PLGRKT: variants seen among roughly 807,000 people sequenced by gnomAD.
The protein encoded by PLGRKT is plasminogen receptor (KT).
PLGRKT carries 22 observed loss-of-function variants against 18.5 expected under a neutral mutation model. The observed-to-expected ratio is 1.19, with a 90% confidence interval of 0.85 to 1.70. The LOEUF is 1.70. Ranked by LOEUF, PLGRKT falls within the 40% of genes most tolerant of loss-of-function variation. PLGRKT has a pLI of 0.00. For synonymous variants in PLGRKT, 72 were observed against 52.8 expected, an observed-to-expected ratio of 1.36 and a Z score of -1.58; for missense variants, 235 against 174.4, an observed-to-expected ratio of 1.35 and a Z score of -1.96.
At chr9:5,415,879 T>A (rs1818449358) in intron 3 of PLGRKT, among the ~76,000 whole-genome samples, 2 of 151,262 alleles carry the variant, frequency 1.3e-5, no homozygotes, top group Admixed American at 1.3e-4. Flanking sequence ...AGACATCAAT[T>A]AAATGTGATG....
At chr9:5,395,970 T>C (rs1818038790) in intron 3 of PLGRKT, among the ~76,000 whole-genome samples, 1 of 148,722 alleles carries the variant, frequency 6.7e-6, no homozygotes, top group South Asian at 2.2e-4. Flanking sequence ...CTTGGTTCAC[T>C]GCAACCTCCA....
At chr9:5,417,021 C>T (rs751707928) in intron 3 of PLGRKT, among the ~76,000 whole-genome samples, 35 of 152,290 alleles carry the variant, frequency 2.3e-4, no homozygotes, top group African/African-American at 6.3e-4. Flanking sequence ...GCTCTTTAAA[C>T]GTTAAATAAT....
intron 3 of PLGRKT, among the ~76,000 whole-genome samples, chr9:5,411,166 C>G (rs1818355719): frequency 6.6e-6 from 1 of 151,936 alleles, no homozygotes; most frequent in Non-Finnish European, 1.5e-5. Context: ...GGTGGACCAC[C>G]TGAGGTCGGG....
intron 3 of PLGRKT, among the ~76,000 whole-genome samples, chr9:5,371,196 G>A (rs1467075541): frequency 6.6e-6 from 1 of 152,148 alleles, no homozygotes; most frequent in Non-Finnish European, 1.5e-5. Flanking sequence ...GTATTAAGAG[G>A]TAGATTCCAA....
At position 5,418,449 on chromosome 9, in the gene PLGRKT, G is replaced by C; in HGVS notation, c.81+13448C>G. 1 of 1,005,132 alleles carries C rather than the reference G, an allele frequency of 9.9e-7. No homozygotes were observed. Among genetic ancestry groups the C allele is most frequent in the South Asian group, 1.3e-5 (1 of 79,160 alleles). The allele number at this position is 1,005,132 out of a possible 1,614,324, so 62.3% of individuals were successfully genotyped here. A position where few individuals can be genotyped will look rare whatever the true frequency, so the allele number is the denominator to read the frequency against. The stretch of plus-strand genomic sequence containing the variant: ...CGATGCTGAGGAGGAAGACCAAGAC[G>C]CAAGCCACCAAGATGACAGTGCACA... On this transcript the variant is annotated intron_variant, in intron 3 of 5. Coordinates refer to ENST00000223864, the MANE Select transcript of PLGRKT (RefSeq NM_018465.4). This position sits in a 1 kb window ranked among gnomAD's most constrained non-coding sequence, Gnocchi z 4.2.
intron 3 of PLGRKT, among the ~76,000 whole-genome samples, chr9:5,373,229 C>A (rs1355647295): frequency 6.6e-6 from 1 of 152,176 alleles, no homozygotes; most frequent in Non-Finnish European, 1.5e-5. Flanking sequence ...TTCTCACCAG[C>A]ATTTTATGCC....
intron 2 of PLGRKT, among the ~76,000 whole-genome samples, chr9:5,432,307 G>C (rs961451258): frequency 6.6e-6 from 1 of 151,956 alleles, no homozygotes; most frequent in Admixed American, 6.6e-5. Context: ...AATTCTTGAA[G>C]AAAAAAACAA....
chr9:5,362,601 T>TGATG (rs1817292067), intron 3 of PLGRKT, among the ~76,000 whole-genome samples: 1 of 152,184 alleles, frequency 6.6e-6, no homozygotes, highest in Non-Finnish European at 1.5e-5. Context: ...GCATTGTTGT[T>TGATG]GATGTTTTAA....
chr9:5,424,644 TTATA>T (rs1818652800), intron 3 of PLGRKT, among the ~76,000 whole-genome samples: 1 of 71,066 alleles, frequency 1.4e-5, no homozygotes, highest in Non-Finnish European at 2.9e-5. Flanking sequence ...TATATTTACA[TTATA>T]TATAATATAA....
intron 3 of PLGRKT, among the ~76,000 whole-genome samples, chr9:5,393,608 T>C (rs1289914097): frequency 6.6e-6 from 1 of 151,894 alleles, no homozygotes; most frequent in Non-Finnish European, 1.5e-5. Flanking sequence ...TCTTATTTTT[T>C]TTCTTAACCA....
chr9:5,363,949 C>T (rs1817325168), intron 3 of PLGRKT, among the ~76,000 whole-genome samples: 1 of 152,196 alleles, frequency 6.6e-6, no homozygotes, highest in Non-Finnish European at 1.5e-5. Context: ...GTGTGAAATT[C>T]ATCCTTGCCA....
rs1330901863 is a variant in PLGRKT at position 5,418,284 on chromosome 9, C to T, written c.81+13613G>A. 7 of 492,418 alleles carry T rather than the reference C, an allele frequency of 1.4e-5. No homozygotes were observed. The highest frequency in any genetic ancestry group is 2.0e-5 in the African/African-American group (1 of 50,804). The allele number at this position is 492,418 out of a possible 1,614,324, so 30.5% of individuals were successfully genotyped here. On this transcript the variant is annotated intron_variant, in intron 3 of 5. Coordinates refer to ENST00000223864, the MANE Select transcript of PLGRKT (RefSeq NM_018465.4). This position sits in a 1 kb window ranked among gnomAD's most constrained non-coding sequence, Gnocchi z 4.2. The stretch of plus-strand genomic sequence containing the variant: ...CTCAGCACCAAATGGTCAGTGTCGC[C>T]CCCTCATCTTCTCACTGGGATCTCA...
At chr9:5,368,711 T>C (rs1817450336) in intron 3 of PLGRKT, among the ~76,000 whole-genome samples, 1 of 152,046 alleles carries the variant, frequency 6.6e-6, no homozygotes, top group African/African-American at 2.4e-5. Context: ...ACCCCCTGAA[T>C]CTAAAACAAA....
At position 5,414,258 on chromosome 9, in the gene PLGRKT, C is replaced by A. The variant is rs187246491; in HGVS notation, c.81+17639G>T. Among the ~76,000 whole-genome samples, 13 of 152,284 alleles carry A rather than the reference C, an allele frequency of 8.5e-5. No homozygotes were observed. The East Asian group carries it at 2.5e-3, about 29-fold the overall frequency. ...CTCGCCTCACTGCAACTTCCGCTTC[C>A]CAGATCCAAGCGATTCTGCTGCCTC... On this transcript the variant is annotated intron_variant, in intron 3 of 5. Coordinates refer to ENST00000223864, the MANE Select transcript of PLGRKT (RefSeq NM_018465.4).
intron 5 of PLGRKT, among the ~76,000 whole-genome samples, chr9:5,359,273 G>T (rs1262383853): frequency 1.3e-5 from 2 of 151,926 alleles, no homozygotes; most frequent in African/African-American, 2.4e-5. Context: ...GGACAGGCTG[G>T]TCTCAAACTC....
rs192887399 is a variant in PLGRKT at position 5,417,324 on chromosome 9, C to T, written c.81+14573G>A. Among the ~76,000 whole-genome samples, 3 of 152,174 alleles carry T rather than the reference C, an allele frequency of 2.0e-5. No homozygotes were observed. In the East Asian group the frequency reaches 5.8e-4, roughly 29 times the overall value. On this transcript the variant is annotated intron_variant, in intron 3 of 5. Transcript: ENST00000223864. ...CCTCATACCAAGACAGCTGGATATC[C>T]ACACGCAAAAGAGTAAAGTTGGACC...
In PLGRKT at chr9:5,361,882, T is replaced by C; in HGVS notation, c.88A>G (p.Arg30Gly). 3.1e-6 allele frequency: 5 copies of C among 1,612,474 alleles called. No homozygotes were observed. Among genetic ancestry groups the C allele is most frequent in the South Asian group, 1.1e-5 (1 of 90,706 alleles). Residue 30 changes from arginine (R) to glycine (G), a missense_variant, in exon 4 of 6, where the codon AGG (arginine) becomes GGG (glycine). Transcript: ENST00000223864. Reference sequence around the variant, plus strand: ...ATTTCACTCTGCATGATGAGCTGCCTTTCCAGCTAAGGACAAAACAAAAGA... The same window carrying C: ...ATTTCACTCTGCATGATGAGCTGCCCTTCCAGCTAAGGACAAAACAAAAGA... ...MLMNARLQLERQLIMQSEMRE... is the reference protein window; with the variant it reads ...MLMNARLQLEGQLIMQSEMRE...
intron 3 of PLGRKT, among the ~76,000 whole-genome samples, chr9:5,368,046 A>C (rs1661732023): frequency 6.6e-6 from 1 of 152,172 alleles, no homozygotes; most frequent in Non-Finnish European, 1.5e-5. Flanking sequence ...ATACCATCTC[A>C]CACCAGTCAG....
chr9:5,390,809 G>A (rs1817936709), intron 3 of PLGRKT, among the ~76,000 whole-genome samples: 1 of 151,890 alleles, frequency 6.6e-6, no homozygotes, highest in African/African-American at 2.4e-5. Flanking sequence ...CAAGTTTATA[G>A]CTATGCTGCT....
Sources: allele counts gnomAD v4.1 joint callset (sites outside exome capture counted in the v4.1 genomes callset), GRCh38; gene constraint gnomAD v4.1.1; non-coding constraint Gnocchi (gnomAD v3.1); transcripts MANE v1.5; gene names NCBI Gene and HGNC (gene_info 2026-07-23, HGNC 2026-07-21).